The following SH3GL2 variants were observed in gnomAD, a reference collection of about 807,000 sequenced individuals.
The protein encoded by SH3GL2 is endophilin-A1.
A neutral mutation model predicts 46.0 loss-of-function variants in SH3GL2; 24 were observed. The ratio of observed to expected loss-of-function variants is 0.52; its 90% CI spans 0.38 to 0.73. The LOEUF is 0.73. SH3GL2 is among the 30% of genes least tolerant of loss of function. The pLI is 0.00. For synonymous variants in SH3GL2, 196 were observed against 147.1 expected, an observed-to-expected ratio of 1.33 and a Z score of -2.40; for missense variants, 413 against 424.2, an observed-to-expected ratio of 0.97 and a Z score of 0.23.
In SH3GL2 at chr9:17,688,939, C is replaced by A. The variant is rs116460138; in HGVS notation, c.46-58127C>A. 4.2e-3 allele frequency among the ~76,000 whole-genome samples: 637 copies of A among 152,152 alleles called. 3 individuals carry two copies. The highest frequency in any genetic ancestry group is 0.015 in the African/African-American group (609 of 41,520). ...CTGCCCACTCTTTAAGTGTGACATG[C>A]TCATAGAGACTTCCTCTTGAAGCAT... On this transcript the variant is annotated intron_variant, in intron 1 of 8. Coordinates refer to ENST00000380607, the MANE Select transcript of SH3GL2 (RefSeq NM_003026.5).
intron 1 of SH3GL2, among the ~76,000 whole-genome samples, chr9:17,737,413 T>G (rs943505830): frequency 2.6e-5 from 4 of 152,046 alleles, no homozygotes; most frequent in Non-Finnish European, 4.4e-5. Context: ...GAAAAAAATA[T>G]GAGGATGTAG....
intron 1 of SH3GL2, among the ~76,000 whole-genome samples, chr9:17,604,243 G>A (rs953783488): frequency 6.6e-6 from 1 of 152,206 alleles, no homozygotes; most frequent in Non-Finnish European, 1.5e-5. Flanking sequence ...GCTGGACACT[G>A]GACTCTGCTG....
At chr9:17,755,954 A>T (rs1173170491) in intron 2 of SH3GL2, 2 of 167,462 alleles carry the variant, frequency 1.2e-5, no homozygotes, top group Admixed American at 6.5e-5. Flanking sequence ...TCATCTATAG[A>T]TTCAGCATGG....
At chr9:17,600,132 C>G (rs987973223) in intron 1 of SH3GL2, among the ~76,000 whole-genome samples, 6 of 152,036 alleles carry the variant, frequency 3.9e-5, no homozygotes, top group Non-Finnish European at 2.9e-5. Context: ...AGTTTAGACA[C>G]AAAAAAGTAC....
intron 8 of SH3GL2, 35 bp downstream of exon 8, chr9:17,793,532 C>A (rs1224162978): frequency 1.0e-5 from 16 of 1,602,734 alleles, no homozygotes; most frequent in Non-Finnish European, 1.4e-5. Context: ...ATTGCATAGC[C>A]CTTGGCATAT....
chr9:17,702,808 G>GT (rs968535963), intron 1 of SH3GL2, among the ~76,000 whole-genome samples: 8 of 151,870 alleles, frequency 5.3e-5, no homozygotes, highest in South Asian at 2.1e-4. Context: ...TTCAGAAATG[G>GT]TTTTTTTAAA....
chr9:17,678,517 G>T (rs1351891879), intron 1 of SH3GL2, among the ~76,000 whole-genome samples: 1 of 152,104 alleles, frequency 6.6e-6, no homozygotes, highest in Non-Finnish European at 1.5e-5. Context: ...GTTCATTGTA[G>T]ATTGTGGATA....
At position 17,579,165 on chromosome 9, in the gene SH3GL2, C is replaced by A. The variant is rs112820965; in HGVS notation, c.-78C>A. Reference sequence around the variant, plus strand: ...ACGACCAGAGGCGGCCAGGGGAGCGCGCCGCCCCGCTCGGCCCTCCAGTCC... The same window carrying A: ...ACGACCAGAGGCGGCCAGGGGAGCGAGCCGCCCCGCTCGGCCCTCCAGTCC... On this transcript the variant is annotated 5_prime_UTR_variant, in exon 1 of 9. Transcript: ENST00000380607. 4.6e-6 allele frequency: 5 copies of A among 1,081,164 alleles called. No individual in the cohort carries two copies. The highest frequency in any genetic ancestry group is 6.4e-6 in the Non-Finnish European group (5 of 776,708). The allele number at this position is 1,081,164 out of a possible 1,614,324, so 67.0% of individuals were successfully genotyped here.
At chr9:17,624,982 G>A (rs1370185214) in intron 1 of SH3GL2, among the ~76,000 whole-genome samples, 2 of 152,212 alleles carry the variant, frequency 1.3e-5, no homozygotes, top group African/African-American at 2.4e-5. Flanking sequence ...CAGAGTGTGA[G>A]TGAGATGAAA....
At chr9:17,768,370 CAAAAAA>C (rs34891273) in intron 3 of SH3GL2, among the ~76,000 whole-genome samples, 3 of 67,222 alleles carry the variant, frequency 4.5e-5, no homozygotes, top group African/African-American at 1.6e-4. Flanking sequence ...GACTCTGTCT[CAAAAAA>C]AAAAAAAAAA....
chr9:17,631,658 C>G (rs564920580), intron 1 of SH3GL2, among the ~76,000 whole-genome samples: 1 of 152,228 alleles, frequency 6.6e-6, no homozygotes, highest in Non-Finnish European at 1.5e-5. Context: ...GAATACCACC[C>G]CCATGCATAG....
chr9:17,637,362 T>A (rs1231626676), intron 1 of SH3GL2, among the ~76,000 whole-genome samples: 1 of 152,202 alleles, frequency 6.6e-6, no homozygotes, highest in Admixed American at 6.5e-5. Flanking sequence ...CATAAGAGGC[T>A]GTTTTAGAAC....
At chr9:17,693,023 A>G (rs989573412) in intron 1 of SH3GL2, among the ~76,000 whole-genome samples, 11 of 152,182 alleles carry the variant, frequency 7.2e-5, no homozygotes, top group African/African-American at 2.7e-4. Context: ...ACACATGGGA[A>G]TTCTGAGAGA....
chr9:17,780,692 C>T (rs1183223030), intron 3 of SH3GL2, among the ~76,000 whole-genome samples: 5 of 98,188 alleles, frequency 5.1e-5, no homozygotes, highest in Admixed American at 2.3e-4. Flanking sequence ...CATGTGATCT[C>T]ATTGTTCAAT....
chr9:17,794,303 T>C (rs183465985), intron 8 of SH3GL2, among the ~76,000 whole-genome samples: 2 of 152,324 alleles, frequency 1.3e-5, no homozygotes, highest in African/African-American at 4.8e-5. Flanking sequence ...GTAGCTTTCT[T>C]TTATTTTTCC....
At chr9:17,712,258 G>A (rs561784268) in intron 1 of SH3GL2, among the ~76,000 whole-genome samples, 58 of 151,710 alleles carry the variant, frequency 3.8e-4, no homozygotes, top group African/African-American at 1.4e-3. Flanking sequence ...CCACATCTAT[G>A]GCTTGACTAT....
chr9:17,663,505 T>C (rs181934600), intron 1 of SH3GL2, among the ~76,000 whole-genome samples: 73 of 152,364 alleles, frequency 4.8e-4, no homozygotes, highest in Admixed American at 4.6e-3. Context: ...TTAGTAATTT[T>C]GTGAATCAAA....
intron 1 of SH3GL2, among the ~76,000 whole-genome samples, chr9:17,680,921 T>G (rs907297469): frequency 1.3e-5 from 2 of 151,974 alleles, no homozygotes; most frequent in Non-Finnish European, 2.9e-5. Flanking sequence ...TTGTTCAGTT[T>G]CCGTGTAGTT....
At chr9:17,628,768 A>C (rs1819351696) in intron 1 of SH3GL2, among the ~76,000 whole-genome samples, 1 of 152,088 alleles carries the variant, frequency 6.6e-6, no homozygotes, top group Admixed American at 6.6e-5. Context: ...ATTAACGGGT[A>C]AAATCCTGCC....
Sources: allele counts gnomAD v4.1 joint callset (sites outside exome capture counted in the v4.1 genomes callset), GRCh38; gene constraint gnomAD v4.1.1; transcripts MANE v1.5; gene names NCBI Gene and HGNC (gene_info 2026-07-23, HGNC 2026-07-21).